The following CNTNAP5 variants were observed in gnomAD, a reference collection of about 807,000 sequenced individuals.
CNTNAP5 encodes contactin associated protein family member 5.
CNTNAP5 carries 72 observed loss-of-function variants against 150.2 expected under a neutral mutation model. The observed-to-expected ratio is 0.48, with a 90% CI of 0.40 to 0.58. The LOEUF is 0.58. Ranked by LOEUF, CNTNAP5 falls within the 20% of genes least tolerant of loss-of-function variation. CNTNAP5 has a pLI of 0.00. For missense variants in CNTNAP5, 1,636 were observed against 1,626.2 expected (o/e 1.01, Z -0.10); for synonymous variants, 672 against 619.8 (o/e 1.08, Z -1.25).
intron 10 of CNTNAP5, among the ~76,000 whole-genome samples, chr2:124,528,689 TG>T (rs1695033783): frequency 2.0e-5 from 3 of 152,172 alleles, no homozygotes; most frequent in Admixed American, 6.5e-5. Context: ...TCCAGAGATG[TG>T]GGGCAGGACC....
At chr2:124,039,313 G>C (rs141806317) in intron 1 of CNTNAP5, among the ~76,000 whole-genome samples, 1 of 152,276 alleles carries the variant, frequency 6.6e-6, no homozygotes, top group East Asian at 1.9e-4. Context: ...ATATAGCACA[G>C]TAAATGGCAA....
At chr2:124,221,888 C>T (rs1558807597) in intron 2 of CNTNAP5, 79 bp downstream of exon 2, 1 of 884,486 alleles carries the variant, frequency 1.1e-6, no homozygotes, top group Admixed American at 2.1e-5. Context: ...TGAGCACTCT[C>T]AGACACTGAA....
intron 1 of CNTNAP5, among the ~76,000 whole-genome samples, chr2:124,146,667 A>C (rs575991143): frequency 6.6e-6 from 1 of 152,220 alleles, no homozygotes; most frequent in Non-Finnish European, 1.5e-5. Context: ...CTTAACCTTA[A>C]GTAAATAAAG....
At chr2:124,177,412 G>C (rs990502259) in intron 1 of CNTNAP5, among the ~76,000 whole-genome samples, 1 of 151,900 alleles carries the variant, frequency 6.6e-6, no homozygotes, top group East Asian at 1.9e-4. Context: ...ACAACTTCTG[G>C]GTTCTCTATC....
intron 21 of CNTNAP5, among the ~76,000 whole-genome samples, chr2:124,877,928 G>T (rs1484657412): frequency 6.6e-6 from 1 of 151,752 alleles, no homozygotes; most frequent in East Asian, 1.9e-4. Flanking sequence ...TTTTCCCCTG[G>T]TCATTACCCA....
chr2:124,743,027 G>A (rs1465755382), intron 13 of CNTNAP5, among the ~76,000 whole-genome samples: 1 of 152,174 alleles, frequency 6.6e-6, no homozygotes, highest in African/African-American at 2.4e-5. Context: ...CTCTACCGCG[G>A]AGAGATATAT....
intron 13 of CNTNAP5, among the ~76,000 whole-genome samples, chr2:124,666,635 G>A (rs1678707781): frequency 1.3e-5 from 2 of 152,224 alleles, no homozygotes; most frequent in South Asian, 4.2e-4. Flanking sequence ...TCAGAGATGA[G>A]GGGATCTTAG....
chr2:124,117,525 A>T (rs1193612461), intron 1 of CNTNAP5, among the ~76,000 whole-genome samples: 1 of 152,240 alleles, frequency 6.6e-6, no homozygotes, highest in Non-Finnish European at 1.5e-5. Context: ...GTAAAAAGTT[A>T]GGTTGGGAAA....
intron 19 of CNTNAP5, among the ~76,000 whole-genome samples, chr2:124,806,031 A>G (rs898993128): frequency 6.6e-6 from 1 of 152,244 alleles, no homozygotes; most frequent in Non-Finnish European, 1.5e-5. Context: ...GTGGAGACAC[A>G]AACATTTATT....
chr2:124,780,891 G>C (rs1184573810), intron 17 of CNTNAP5, among the ~76,000 whole-genome samples: 4 of 152,246 alleles, frequency 2.6e-5, no homozygotes, highest in South Asian at 4.1e-4. Context: ...CAAAAAGCCA[G>C]ACTATATGAT....
intron 7 of CNTNAP5, among the ~76,000 whole-genome samples, chr2:124,489,302 A>G (rs1417428874): frequency 6.6e-6 from 1 of 152,290 alleles, no homozygotes; most frequent in East Asian, 1.9e-4. Context: ...AAATGTCAGC[A>G]GGGTTGATTC....
In CNTNAP5 at chr2:124,137,696, G is replaced by A. The variant is rs115779145; in HGVS notation, c.83-84009G>A. ...CACATAGATATATCAATGCTGTTGCGAGGTGCAGAAACTGTGTCAGGAATC... is the reference window on the plus strand; with the variant it reads ...CACATAGATATATCAATGCTGTTGCAAGGTGCAGAAACTGTGTCAGGAATC... On this transcript the variant is annotated intron_variant, in intron 1 of 23. Coordinates refer to ENST00000682447, the MANE Select transcript of CNTNAP5 (RefSeq NM_001367498.1). Among the ~76,000 whole-genome samples, 788 of 152,288 alleles carry A rather than the reference G, an allele frequency of 5.2e-3. 6 individuals are homozygous for A. The highest frequency in any genetic ancestry group is 0.017 in the African/African-American group (726 of 41,548).
At chr2:124,433,238 G>C (rs893554398) in intron 4 of CNTNAP5, among the ~76,000 whole-genome samples, 1 of 152,178 alleles carries the variant, frequency 6.6e-6, no homozygotes, top group African/African-American at 2.4e-5. Flanking sequence ...GTAGGGAGGG[G>C]AGGTGCTGAG....
intron 1 of CNTNAP5, among the ~76,000 whole-genome samples, chr2:124,145,859 A>G (rs990709224): frequency 6.7e-6 from 1 of 148,252 alleles, no homozygotes; most frequent in Non-Finnish European, 1.5e-5. Flanking sequence ...AAATATATTT[A>G]ATGGGATTTG....
At chr2:124,383,140 C>T (rs916807955) in intron 3 of CNTNAP5, among the ~76,000 whole-genome samples, 3 of 152,178 alleles carry the variant, frequency 2.0e-5, no homozygotes, top group Non-Finnish European at 1.5e-5. Context: ...TTCCACATCA[C>T]CTTTCTTGCA....
chr2:124,851,286 G>A (rs1035769282), intron 19 of CNTNAP5, among the ~76,000 whole-genome samples: 1 of 152,252 alleles, frequency 6.6e-6, no homozygotes, highest in African/African-American at 2.4e-5. Flanking sequence ...AACCCTGGAG[G>A]CAGAGGCTAC....
chr2:124,319,771 A>T (rs1469169965), intron 3 of CNTNAP5, among the ~76,000 whole-genome samples: 1 of 152,096 alleles, frequency 6.6e-6, no homozygotes, highest in African/African-American at 2.4e-5. Flanking sequence ...CTATACTGTG[A>T]CAATCAAAAA....
intron 19 of CNTNAP5, among the ~76,000 whole-genome samples, chr2:124,850,215 C>T (rs72848768): frequency 0.12 from 17,855 of 152,148 alleles, 1,244 homozygotes; most frequent in Non-Finnish European, 0.16. Context: ...CCCCCAAATT[C>T]ATGCCCACCT....
intron 13 of CNTNAP5, among the ~76,000 whole-genome samples, chr2:124,707,188 A>G (rs542776699): frequency 6.7e-6 from 1 of 148,934 alleles, no homozygotes; most frequent in African/African-American, 2.4e-5. Flanking sequence ...AAGAAGAAGA[A>G]GAAGAAGAAG....
Sources: allele counts gnomAD v4.1 joint callset (sites outside exome capture counted in the v4.1 genomes callset), GRCh38; gene constraint gnomAD v4.1.1; transcripts MANE v1.5; gene names NCBI Gene and HGNC (gene_info 2026-07-23, HGNC 2026-07-21).